Variants in CSMD1 observed in about 807,000 individuals in gnomAD.
CSMD1 encodes CUB and Sushi multiple domains 1.
In CSMD1, 213 loss-of-function variants were observed where a neutral mutation model predicts 417.5. The observed-to-expected ratio is 0.51, with a 90% CI of 0.46 to 0.57. CSMD1 has a LOEUF of 0.57. CSMD1 is among the 20% of genes least tolerant of loss of function. The probability of loss-of-function intolerance (pLI) is 0.00; values close to 1 mark genes in which losing one functional copy is unlikely to be tolerated. For synonymous variants in CSMD1, 2,862 were observed against 1,736.8 expected (o/e 1.65, Z -16.11); for missense variants, 6,923 against 4,529.7 (o/e 1.53, Z -15.17).
At chr8:3,774,291 G>T (rs933633188) in intron 5 of CSMD1, among the ~76,000 whole-genome samples, 1 of 152,148 alleles carries the variant, frequency 6.6e-6, no homozygotes, top group African/African-American at 2.4e-5. Context: ...GAATTCCAAT[G>T]TGTTCCCAGA....
chr8:4,487,405 A>C (rs1801473145), intron 2 of CSMD1, among the ~76,000 whole-genome samples: 1 of 152,232 alleles, frequency 6.6e-6, no homozygotes. Context: ...TATGAGTGAG[A>C]ACATGCAGTG....
At chr8:4,324,023 C>A (rs774412717) in intron 3 of CSMD1, among the ~76,000 whole-genome samples, 1 of 152,174 alleles carries the variant, frequency 6.6e-6, no homozygotes, top group Non-Finnish European at 1.5e-5. Flanking sequence ...CAGCCACACC[C>A]TTAGCAGGCC....
intron 3 of CSMD1, among the ~76,000 whole-genome samples, chr8:4,140,158 G>A (rs1803696670): frequency 6.6e-6 from 1 of 150,574 alleles, no homozygotes; most frequent in African/African-American, 2.5e-5. Flanking sequence ...TTTGCGACCA[G>A]CCTGAGCAAC....
At chr8:3,882,418 G>C (rs558552667) in intron 5 of CSMD1, among the ~76,000 whole-genome samples, 3 of 152,266 alleles carry the variant, frequency 2.0e-5, no homozygotes, top group South Asian at 4.1e-4. Context: ...CCAAATGTTG[G>C]TTATGTGGAG....
intron 39 of CSMD1, among the ~76,000 whole-genome samples, chr8:3,152,839 C>T (rs1563090988): frequency 1.3e-5 from 2 of 152,146 alleles, no homozygotes; most frequent in Admixed American, 6.5e-5. Context: ...GCTGAATGTG[C>T]GGAAGACACA....
At chr8:4,328,015 A>T (rs1210150357) in intron 3 of CSMD1, among the ~76,000 whole-genome samples, 1 of 152,208 alleles carries the variant, frequency 6.6e-6, no homozygotes, top group South Asian at 2.1e-4. Context: ...TTGGGAAATG[A>T]TAAGAGGTAC....
rs541122483 is a variant in CSMD1, at chr8:3,702,136, A to G, written c.1009+6278T>C. ...CAGGGGCATAAAGGCAATGCATTAGAGTGCTCAGTTTTCCACATTTAAAAA... is the reference window on the plus strand; with the variant it reads ...CAGGGGCATAAAGGCAATGCATTAGGGTGCTCAGTTTTCCACATTTAAAAA... On this transcript the variant is annotated intron_variant, in intron 7 of 69. Coordinates refer to ENST00000635120, the MANE Select transcript of CSMD1 (RefSeq NM_033225.6). 4 of 152,278 alleles carry G rather than the reference A, an allele frequency of 2.6e-5. No homozygotes were observed. The South Asian group carries it at 8.3e-4, about 32-fold the overall frequency. The allele number at this position is 152,278 out of a possible 1,614,324, so 9.4% of individuals were successfully genotyped here.
chr8:3,450,447 G>A (rs946859247), intron 12 of CSMD1, among the ~76,000 whole-genome samples: 6 of 151,842 alleles, frequency 4.0e-5, no homozygotes, highest in African/African-American at 2.4e-5. Flanking sequence ...ATCTCCTAAA[G>A]CTATCCCTCC....
chr8:4,001,630 C>G (rs145560591), intron 4 of CSMD1, among the ~76,000 whole-genome samples: 80 of 152,190 alleles, frequency 5.3e-4, no homozygotes, highest in Middle Eastern at 3.4e-3. Context: ...ATATTTGAGT[C>G]CCCTGAGTCT....
intron 2 of CSMD1, among the ~76,000 whole-genome samples, chr8:4,486,742 A>G (rs1801435734): frequency 6.6e-6 from 1 of 152,172 alleles, no homozygotes; most frequent in Admixed American, 6.5e-5. Flanking sequence ...TTCATGGAAG[A>G]AAGCCACTGC....
At chr8:4,439,090 T>G (rs1401723985) in intron 2 of CSMD1, among the ~76,000 whole-genome samples, 1 of 152,182 alleles carries the variant, frequency 6.6e-6, no homozygotes, top group East Asian at 1.9e-4. Context: ...TTCATCTGTA[T>G]TATATGGTTC....
chr8:4,736,337 C>G (rs907767277), intron 1 of CSMD1, among the ~76,000 whole-genome samples: 1 of 152,020 alleles, frequency 6.6e-6, no homozygotes, highest in Non-Finnish European at 1.5e-5. Flanking sequence ...TGGAGATATT[C>G]AGATAATAAG....
intron 2 of CSMD1, among the ~76,000 whole-genome samples, chr8:4,503,843 A>G (rs1429823373): frequency 6.6e-6 from 1 of 152,162 alleles, no homozygotes; most frequent in Non-Finnish European, 1.5e-5. Flanking sequence ...CATTTTTCTC[A>G]GAGAATATTC....
chr8:3,825,571 G>C (rs111601268), intron 5 of CSMD1, among the ~76,000 whole-genome samples: 6 of 132,574 alleles, frequency 4.5e-5, no homozygotes, highest in African/African-American at 1.2e-4. Context: ...GGTGGTGTTT[G>C]ATTACCTAGA....
chr8:3,716,046 A>G (rs1801812721), intron 6 of CSMD1, among the ~76,000 whole-genome samples: 1 of 152,296 alleles, frequency 6.6e-6, no homozygotes, highest in East Asian at 1.9e-4. Flanking sequence ...TTTTGGTCGA[A>G]TGTCCACCCT....
intron 5 of CSMD1, among the ~76,000 whole-genome samples, chr8:3,792,900 C>A (rs1007728684): frequency 6.6e-6 from 1 of 152,198 alleles, no homozygotes; most frequent in Non-Finnish European, 1.5e-5. Flanking sequence ...TCTAACCTAC[C>A]TGAGATTTAC....
chr8:4,155,090 C>G (rs576222190), intron 3 of CSMD1, among the ~76,000 whole-genome samples: 5 of 152,204 alleles, frequency 3.3e-5, no homozygotes, highest in Non-Finnish European at 5.9e-5. Flanking sequence ...TGAACTCATG[C>G]AATGCCTACA....
At chr8:3,540,058 T>C (rs1262175877) in intron 10 of CSMD1, among the ~76,000 whole-genome samples, 1 of 152,188 alleles carries the variant, frequency 6.6e-6, no homozygotes, top group Non-Finnish European at 1.5e-5. Flanking sequence ...CACACTGCAA[T>C]CTCTGATTGG....
At chr8:4,037,145 T>C (rs190866094) in intron 3 of CSMD1, among the ~76,000 whole-genome samples, 9 of 152,366 alleles carry the variant, frequency 5.9e-5, no homozygotes, top group African/African-American at 1.9e-4. Context: ...TAAGTGAATG[T>C]AGAGCTCACA....
Sources: gnomAD v4.1 joint callset for allele counts (sites outside exome capture counted in the v4.1 genomes callset) on GRCh38, gnomAD v4.1.1 for gene constraint, MANE v1.5 for transcripts, NCBI Gene and HGNC (gene_info 2026-07-23, HGNC 2026-07-21) for gene names.